Variants in NCKAP5 observed in about 807,000 individuals in gnomAD.
NCKAP5 encodes the protein nck-associated protein 5.
Under a neutral mutation model 167.0 loss-of-function variants are expected in NCKAP5, and 92 were observed. The observed-to-expected ratio is 0.55, with a 90% CI of 0.47 to 0.66. The LOEUF (loss-of-function observed/expected upper bound fraction) is 0.66. NCKAP5 is among the 30% of genes least tolerant of loss of function. The pLI is 0.00. For missense variants in NCKAP5, 2,378 were observed against 2,315.0 expected (o/e 1.03, Z -0.56); for synonymous variants, 891 against 877.4 (o/e 1.02, Z -0.27).
intron 19 of NCKAP5, among the ~76,000 whole-genome samples, chr2:132,720,401 G>A (rs763090838): frequency 1.3e-5 from 2 of 152,232 alleles, no homozygotes; most frequent in Admixed American, 1.3e-4. Flanking sequence ...GAAAAGTCGT[G>A]TATTTATTTC....
chr2:133,519,137 G>A (rs1348329304), intron 2 of NCKAP5, among the ~76,000 whole-genome samples: 1 of 152,168 alleles, frequency 6.6e-6, no homozygotes, highest in African/African-American at 2.4e-5. Flanking sequence ...TGAGACAGTG[G>A]TGCCTGAGAT....
In NCKAP5 at chr2:133,349,839, C is replaced by T. The variant is rs1340530898; in HGVS notation, c.70-46729G>A. On this transcript the variant is annotated intron_variant, in intron 3 of 19. Coordinates refer to ENST00000409261, the MANE Select transcript of NCKAP5 (RefSeq NM_207363.3). ...CTAGCCTGGTCTATAGAACTATCCTCTTCTCTGAATTCTGTGTTTCTGGCT... is the reference window on the plus strand; with the variant it reads ...CTAGCCTGGTCTATAGAACTATCCTTTTCTCTGAATTCTGTGTTTCTGGCT... 5.9e-5 allele frequency among the ~76,000 whole-genome samples: 9 copies of T among 152,180 alleles called. 1 individual carries two copies. Among genetic ancestry groups the T allele is most frequent in the Admixed American group, 5.9e-4 (9 of 15,292 alleles).
chr2:133,179,111 C>A (rs1032801304), intron 5 of NCKAP5, among the ~76,000 whole-genome samples: 3 of 151,986 alleles, frequency 2.0e-5, no homozygotes, highest in Admixed American at 1.3e-4. Context: ...GGTGGCAAAG[C>A]CACACAGACC....
At chr2:132,834,920 C>A (rs138444909) in intron 11 of NCKAP5, among the ~76,000 whole-genome samples, 1 of 152,290 alleles carries the variant, frequency 6.6e-6, no homozygotes, top group African/African-American at 2.4e-5. Flanking sequence ...TTTTAACTTT[C>A]CCCTGTTCAG....
intron 11 of NCKAP5, among the ~76,000 whole-genome samples, chr2:132,804,577 A>G (rs1447781260): frequency 1.3e-5 from 2 of 152,166 alleles, no homozygotes; most frequent in Non-Finnish European, 2.9e-5. Context: ...AAAAAACCCA[A>G]AACTTGACCT....
intron 3 of NCKAP5, among the ~76,000 whole-genome samples, chr2:133,399,629 A>G (rs2151017116): frequency 6.6e-6 from 1 of 152,314 alleles, no homozygotes. Context: ...TTAACAGATT[A>G]TTAAAAGGGA....
At chr2:133,248,647 A>G (rs1447468711) in intron 4 of NCKAP5, among the ~76,000 whole-genome samples, 3 of 152,214 alleles carry the variant, frequency 2.0e-5, no homozygotes, top group African/African-American at 7.2e-5. Context: ...AGTTTATAAA[A>G]TATAGGGACA....
At chr2:133,385,531 G>C (rs1270282757) in intron 3 of NCKAP5, among the ~76,000 whole-genome samples, 1 of 152,182 alleles carries the variant, frequency 6.6e-6, no homozygotes, top group South Asian at 2.1e-4. Flanking sequence ...GTCTCTGCCA[G>C]GCCTGGGTAT....
chr2:133,329,505 G>T (rs1682685542), intron 3 of NCKAP5, among the ~76,000 whole-genome samples: 1 of 152,082 alleles, frequency 6.6e-6, no homozygotes, highest in South Asian at 2.1e-4. Context: ...GAAGAGAAAA[G>T]GAGAATAAAT....
chr2:132,677,629 G>A (rs1017561267), intron 19 of NCKAP5, among the ~76,000 whole-genome samples: 1 of 151,998 alleles, frequency 6.6e-6, no homozygotes, highest in African/African-American at 2.4e-5. Flanking sequence ...TGCCTCTATT[G>A]CAACTGTGCA....
chr2:132,747,768 T>C (rs1156938857), intron 16 of NCKAP5, among the ~76,000 whole-genome samples: 1 of 152,232 alleles, frequency 6.6e-6, no homozygotes, highest in African/African-American at 2.4e-5. Flanking sequence ...ACTTGTATTA[T>C]GTCATTATGC....
chr2:132,848,303 T>C (rs559458793), intron 11 of NCKAP5, among the ~76,000 whole-genome samples: 1 of 152,372 alleles, frequency 6.6e-6, no homozygotes, highest in African/African-American at 2.4e-5. Flanking sequence ...CAGTTTTCCA[T>C]CTGAGGCATC....
At chr2:133,032,791 A>G (rs1260074737) in intron 6 of NCKAP5, among the ~76,000 whole-genome samples, 3 of 152,166 alleles carry the variant, frequency 2.0e-5, no homozygotes, top group Non-Finnish European at 4.4e-5. Context: ...TACAGAAAGC[A>G]TGGTTGGGGA....
chr2:132,675,585 C>T (rs1044358705), intron 19 of NCKAP5, among the ~76,000 whole-genome samples: 1 of 152,046 alleles, frequency 6.6e-6, no homozygotes, highest in African/African-American at 2.4e-5. Context: ...ACAAGATTAC[C>T]AGGTGATTCT....
chr2:133,473,959 A>G (rs1679588649), intron 3 of NCKAP5, among the ~76,000 whole-genome samples: 1 of 152,184 alleles, frequency 6.6e-6, no homozygotes, highest in Non-Finnish European at 1.5e-5. Flanking sequence ...AAACCCACAA[A>G]TGGGTACATA....
chr2:132,869,993 T>C (rs763421745), intron 9 of NCKAP5, among the ~76,000 whole-genome samples: 4 of 152,144 alleles, frequency 2.6e-5, no homozygotes, highest in Non-Finnish European at 5.9e-5. Flanking sequence ...TCAGGCAGCT[T>C]GAGACAGCAG....
the NCKAP5 span, among the ~76,000 whole-genome samples, chr2:133,640,228 G>A: frequency 1.3e-5 from 2 of 152,036 alleles, no homozygotes; most frequent in Non-Finnish European, 2.9e-5. Flanking sequence ...GTGGTGCATG[G>A]GCCTTTACTA....
intron 8 of NCKAP5, among the ~76,000 whole-genome samples, chr2:132,904,052 G>A (rs968373395): frequency 2.0e-5 from 3 of 152,144 alleles, no homozygotes; most frequent in African/African-American, 7.2e-5. Context: ...ACTTTGGGAG[G>A]CTGAGGCAGG....
chr2:133,479,691 GA>G (rs1680254999), intron 3 of NCKAP5, among the ~76,000 whole-genome samples: 1 of 152,126 alleles, frequency 6.6e-6, no homozygotes, highest in South Asian at 2.1e-4. Flanking sequence ...CAAATTTAGT[GA>G]AAATCAGTTG....
Sources: gnomAD v4.1 joint callset for allele counts (sites outside exome capture counted in the v4.1 genomes callset) on GRCh38, gnomAD v4.1.1 for gene constraint, MANE v1.5 for transcripts, NCBI Gene and HGNC (gene_info 2026-07-23, HGNC 2026-07-21) for gene names.